The following INTS13 variants were observed in gnomAD, a reference collection of about 807,000 sequenced individuals.
The protein encoded by INTS13 is asunder, spermatogenesis regulator homolog (Drosphila).
Under a neutral mutation model 90.2 loss-of-function variants are expected in INTS13, and 35 were observed. That is an observed-to-expected ratio of 0.39 (90% CI 0.30 to 0.51). INTS13 has a LOEUF of 0.51. Among genes scored for constraint, INTS13 ranks in the 20% least tolerant of loss-of-function variants. The pLI is 0.80. For synonymous variants in INTS13, 309 were observed against 277.1 expected (o/e 1.11, Z -1.14); for missense variants, 601 against 851.2 (o/e 0.71, Z 3.66).
At chr12:26,920,604 T>G (rs546635379) in intron 8 of INTS13, among the ~76,000 whole-genome samples, 10 of 152,268 alleles carry the variant, frequency 6.6e-5, no homozygotes, top group Middle Eastern at 3.4e-3. Flanking sequence ...TTTCACCATG[T>G]TGGCCAGGAT....
At position 26,905,440 on chromosome 12, in the gene INTS13, C is replaced by T. The variant is rs140835935; in HGVS notation, c.*57G>A. On this transcript the variant is annotated 3_prime_UTR_variant, in exon 17 of 17. Transcript: ENST00000261191. ...CATCTTGCTGTAAAAGTACTTATATCGAATTCCGCACAAAATATTTTTGCA... is the reference window on the plus strand; with the variant it reads ...CATCTTGCTGTAAAAGTACTTATATTGAATTCCGCACAAAATATTTTTGCA... 1.8e-4 allele frequency: 276 copies of T among 1,526,374 alleles called. No homozygotes were observed. The African/African-American group carries it at 3.1e-3, about 17-fold the overall frequency. The allele number at this position is 1,526,374 out of a possible 1,614,324, so 94.6% of individuals were successfully genotyped here.
intron 3 of INTS13, among the ~76,000 whole-genome samples, chr12:26,932,944 T>A (rs1938275425): frequency 6.6e-6 from 1 of 152,092 alleles, no homozygotes; most frequent in South Asian, 2.1e-4. Context: ...TAGCTAACTA[T>A]CAGCAGGCAT....
At chr12:26,915,512 C>G (rs1316573335) in intron 11 of INTS13, among the ~76,000 whole-genome samples, 1 of 151,992 alleles carries the variant, frequency 6.6e-6, no homozygotes, top group Admixed American at 6.6e-5. Context: ...ACAACCACCT[C>G]AAGAAGTAAA....
intron 8 of INTS13, among the ~76,000 whole-genome samples, chr12:26,920,127 C>CAA (rs34416699): frequency 8.2e-4 from 111 of 134,564 alleles, no homozygotes; most frequent in African/African-American, 1.6e-3. Flanking sequence ...GACTCTGTCT[C>CAA]AAAAAAAAAA....
intron 15 of INTS13, among the ~76,000 whole-genome samples, chr12:26,908,548 T>C (rs79393313): frequency 6.6e-6 from 1 of 152,072 alleles, no homozygotes; most frequent in Non-Finnish European, 1.5e-5. Flanking sequence ...TTTTTTTTTT[T>C]TGTTACTGCA....
At chr12:26,925,967 T>C (rs950591952) in intron 5 of INTS13, 116 bp from the exon 6 acceptor site, 8 of 691,362 alleles carry the variant, frequency 1.2e-5, no homozygotes, top group African/African-American at 5.4e-5. Flanking sequence ...AATTAGATAT[T>C]ACTGTTAACC....
chr12:26,922,509 G>T (rs1937641622), intron 8 of INTS13, 107 bp downstream of exon 8: 3 of 692,180 alleles, frequency 4.3e-6, no homozygotes, highest in Non-Finnish European at 7.0e-6. Flanking sequence ...TGAGATTTCA[G>T]GCATCCACTG....
intron 6 of INTS13, 25 bp downstream of exon 6, chr12:26,925,736 T>C: frequency 6.5e-7 from 1 of 1,544,048 alleles, no homozygotes; most frequent in Non-Finnish European, 8.9e-7. Context: ...ACAATAGTCT[T>C]TTCTTTCATT....
intron 13 of INTS13, 28 bp from the exon 14 acceptor site, chr12:26,913,715 T>C: frequency 1.3e-6 from 2 of 1,537,516 alleles, no homozygotes; most frequent in Non-Finnish European, 1.8e-6. Flanking sequence ...AAATACTCTT[T>C]AAATAATATT....
rs563157447 is a variant in INTS13 at position 26,922,953 on chromosome 12, T to C, written c.805-253A>G. ...TACATTATGTCAGAATTAACAAAGA[T>C]GACTAACTCAGAAATTTTGAATTTT... On this transcript the variant is annotated intron_variant, in intron 7 of 16. Transcript: ENST00000261191. Among the ~76,000 whole-genome samples, 3 of 152,204 alleles carry C rather than the reference T, an allele frequency of 2.0e-5. No individual in the cohort carries two copies. In the South Asian group the frequency reaches 6.2e-4, roughly 32 times the overall value.
intron 3 of INTS13, among the ~76,000 whole-genome samples, chr12:26,929,288 T>C (rs1053707320): frequency 2.0e-5 from 3 of 152,178 alleles, no homozygotes; most frequent in Non-Finnish European, 2.9e-5. Flanking sequence ...ATGAAAAACC[T>C]ACTGATAACA....
Position 26,915,990 on chromosome 12 carries a change from T to C in INTS13, c.1248+12A>G, listed in dbSNP as rs2137449830. 1.3e-6 allele frequency: 2 copies of C among 1,593,276 alleles called. No individual in the cohort carries two copies. The highest frequency in any genetic ancestry group is 4.5e-5 in the East Asian group (2 of 44,684). The stretch of plus-strand genomic sequence containing the variant: ...ATTCAAAACTTAAAATTTATAGATA[T>C]TAGAGTCTTACTGTAATCCGGTAGT... On this transcript the variant is annotated intron_variant, in intron 11 of 16. Transcript: ENST00000261191.
chr12:26,922,550 G>C lies in INTS13; in HGVS notation c.889+66C>G, dbSNP rs148417988. ...CTTGGAATGTCTTCCCTGAGGATGT[G>C]GGGGCTACTGTAATATGCTTTCATA... On this transcript the variant is annotated intron_variant, in intron 8 of 16. Transcript: ENST00000261191. The C allele has an allele frequency of 1.5e-4, 186 of 1,218,982 alleles. No homozygotes were observed. The African/African-American group carries it at 2.5e-3, about 16-fold the overall frequency. The allele number at this position is 1,218,982 out of a possible 1,614,324, so 75.5% of individuals were successfully genotyped here.
intron 8 of INTS13, 106 bp from the exon 9 acceptor site, chr12:26,917,839 A>AACC: frequency 1.0e-5 from 5 of 497,874 alleles, no homozygotes; most frequent in East Asian, 5.7e-5. Flanking sequence ...AAATAATAAA[A>AACC]GCGGCCGGGT....
At position 26,914,003 on chromosome 12, in the gene INTS13, T is replaced by C; in HGVS notation, c.1545A>G (p.Thr515=). 2 of 1,610,438 alleles carry C rather than the reference T, an allele frequency of 1.2e-6. No homozygotes were observed. The highest frequency in any genetic ancestry group is 8.5e-7 in the Non-Finnish European group (1 of 1,179,066). ...ERKNDPLPIS[T]VGTRGKGPKR... The stretch of plus-strand genomic sequence containing the variant: ...TAGGGCCCTTTCCTCTTGTACCAAC[T>C]GTGGAAATAGGTAGAGGATCATTTT... Residue 515 remains threonine (T), a synonymous_variant, in exon 13 of 17, where the codon ACA becomes ACG. Transcript: ENST00000261191.
intron 15 of INTS13, among the ~76,000 whole-genome samples, chr12:26,906,803 T>C (rs2137385612): frequency 6.6e-6 from 1 of 152,366 alleles, no homozygotes; most frequent in Non-Finnish European, 1.5e-5. Flanking sequence ...AGGCTTCCCA[T>C]GCTCACTCTC....
At chr12:26,926,682 C>T (rs1298091804) in intron 5 of INTS13, among the ~76,000 whole-genome samples, 1 of 152,146 alleles carries the variant, frequency 6.6e-6, no homozygotes, top group Non-Finnish European at 1.5e-5. Context: ...TTGTAACTTC[C>T]TAAATGACAG....
rs374681096 is a variant in INTS13, at chr12:26,925,767, T to C, written c.669A>G (p.Lys223=). 5.8e-5 allele frequency: 93 copies of C among 1,608,174 alleles called. No homozygotes were observed. Among genetic ancestry groups the C allele is most frequent in the Non-Finnish European group, 7.7e-5 (90 of 1,176,136 alleles). ...GEDSLVSDRS[K]KELSPVLTSE... ...TCATTATTTCAACACTCACCTCTTTTTTAGAACGATCAGATACAAGGCTGT... is the reference window on the plus strand; with the variant it reads ...TCATTATTTCAACACTCACCTCTTTCTTAGAACGATCAGATACAAGGCTGT... Residue 223 remains lysine (K), a synonymous_variant, in exon 6 of 17, where the codon AAA becomes AAG. Transcript: ENST00000261191.
intron 2 of INTS13, among the ~76,000 whole-genome samples, chr12:26,935,961 C>T (rs981649991): frequency 1.3e-5 from 2 of 152,148 alleles, no homozygotes; most frequent in African/African-American, 4.8e-5. Context: ...GTCAATCATC[C>T]ATTTCTCTTC....
Sources: gnomAD v4.1 joint callset for allele counts (sites outside exome capture counted in the v4.1 genomes callset) on GRCh38, gnomAD v4.1.1 for gene constraint, MANE v1.5 for transcripts, NCBI Gene and HGNC (gene_info 2026-07-23, HGNC 2026-07-21) for gene names.